ABCC9: variants seen among roughly 807,000 people sequenced by gnomAD.
ABCC9 encodes ATP-binding cassette sub-family C member 9.
In ABCC9, 95 loss-of-function variants were observed where a neutral mutation model predicts 188.3. The ratio of observed to expected loss-of-function variants is 0.50; its 90% CI spans 0.43 to 0.60. The LOEUF is 0.60. Among genes scored for constraint, ABCC9 ranks in the 20% least tolerant of loss-of-function variants. ABCC9 has a pLI of 0.00. For missense variants in ABCC9, 1,102 were observed against 1,876.3 expected, an observed-to-expected ratio of 0.59 and a Z score of 7.62; for synonymous variants, 659 against 652.7, an observed-to-expected ratio of 1.01 and a Z score of -0.15.
chr12:21,940,220 G>T (rs1181951036), intron 2 of ABCC9, among the ~76,000 whole-genome samples: 5 of 152,076 alleles, frequency 3.3e-5, no homozygotes, highest in African/African-American at 7.2e-5. Flanking sequence ...GGAAACACCT[G>T]GAGAAAACAT....
intron 18 of ABCC9, among the ~76,000 whole-genome samples, chr12:21,866,388 C>A (rs1240110695): frequency 1.3e-5 from 2 of 152,128 alleles, no homozygotes; most frequent in Admixed American, 6.6e-5. Flanking sequence ...TAAAAGAAAT[C>A]CTTTGCCAAC....
intron 16 of ABCC9, among the ~76,000 whole-genome samples, chr12:21,880,103 C>T: frequency 6.6e-6 from 1 of 150,630 alleles, no homozygotes; most frequent in East Asian, 2.0e-4. Context: ...TAAATCAGAC[C>T]TTACTGATTT....
chr12:21,864,006 C>A (rs1409745711), intron 19 of ABCC9, among the ~76,000 whole-genome samples: 4 of 151,952 alleles, frequency 2.6e-5, no homozygotes, highest in African/African-American at 9.7e-5. Flanking sequence ...GCTTTCCCCC[C>A]CACCCCACTC....
At chr12:21,930,664 T>C (rs1398065131) in intron 4 of ABCC9, among the ~76,000 whole-genome samples, 1 of 152,150 alleles carries the variant, frequency 6.6e-6, no homozygotes, top group Non-Finnish European at 1.5e-5. Flanking sequence ...CACAGAAATG[T>C]TTATAGCATT....
At chr12:21,840,914 C>T (rs1944347428) in intron 29 of ABCC9, among the ~76,000 whole-genome samples, 1 of 152,222 alleles carries the variant, frequency 6.6e-6, no homozygotes, top group South Asian at 2.1e-4. Flanking sequence ...CTTATCTCCT[C>T]CTACTTTCTT....
At chr12:21,872,066 C>G (rs1946111127) in intron 18 of ABCC9, among the ~76,000 whole-genome samples, 1 of 152,206 alleles carries the variant, frequency 6.6e-6, no homozygotes, top group Non-Finnish European at 1.5e-5. Flanking sequence ...AGCAATCATT[C>G]AAATGTCTGG....
At position 21,910,179 on chromosome 12, in the gene ABCC9, T is replaced by C; in HGVS notation, c.1298A>G (p.Asn433Ser). Residue 433 changes from asparagine (N) to serine (S), a missense_variant, in exon 10 of 40, where the codon AAT (asparagine) becomes AGT (serine). Asn to Ser is a conservative substitution (Grantham distance 46, BLOSUM62 1). This residue lies in a region of ABCC9 where 305 missense variants were observed against 573.0 expected (regional missense o/e 0.53). Coordinates refer to ENST00000261200, the MANE Select transcript of ABCC9 (RefSeq NM_020297.4). ...QLMWFLFLCP[N>S]LWAMPVQIIM... Reference sequence around the variant, plus strand: ...TACCTGAACAGGCATAGCCCATAGATTGGGACACAGGAACAAAAACCACAT... The same window carrying C: ...TACCTGAACAGGCATAGCCCATAGACTGGGACACAGGAACAAAAACCACAT... 6.2e-7 allele frequency: 1 copy of C among 1,611,442 alleles called. No homozygotes were observed. Among genetic ancestry groups the C allele is most frequent in the Non-Finnish European group, 8.5e-7 (1 of 1,178,092 alleles).
Position 21,803,776 on chromosome 12 carries a change from G to A in ABCC9, c.4512+2222C>T, listed in dbSNP as rs574137163. Among the ~76,000 whole-genome samples, 6 of 152,022 alleles carry A rather than the reference G, an allele frequency of 3.9e-5. No homozygotes were observed. The East Asian group carries it at 7.7e-4, about 20-fold the overall frequency. On this transcript the variant is annotated intron_variant, in intron 39 of 39. Coordinates refer to ENST00000261200, the MANE Select transcript of ABCC9 (RefSeq NM_020297.4). ...AAAGTGTGGTGTCAATTGTAATTGT[G>A]TTGATAAAATTTTCAAAATATTCCA...
chr12:21,845,553 A>C, intron 26 of ABCC9, 50 bp downstream of exon 26: 1 of 1,440,888 alleles, frequency 6.9e-7, no homozygotes, highest in Non-Finnish European at 9.7e-7. Context: ...TATCACTGTT[A>C]ATCTCAATAT....
chr12:21,918,254 T>C (rs528583314), intron 5 of ABCC9, among the ~76,000 whole-genome samples: 1 of 152,216 alleles, frequency 6.6e-6, no homozygotes, highest in African/African-American at 2.4e-5. Flanking sequence ...TTTAGAAAGA[T>C]ACATTAAAAA....
intron 31 of ABCC9, among the ~76,000 whole-genome samples, chr12:21,826,085 A>G (rs1010499201): frequency 6.6e-6 from 1 of 152,176 alleles, no homozygotes; most frequent in South Asian, 2.1e-4. Context: ...TTTATGTCCA[A>G]TGAAGTGACC....
intron 14 of ABCC9, 103 bp from the exon 15 acceptor site, chr12:21,888,037 G>C: frequency 1.2e-6 from 1 of 855,958 alleles, no homozygotes; most frequent in Non-Finnish European, 2.0e-6. Flanking sequence ...TGGTGAGTAG[G>C]ATGCCTGTGA....
At chr12:21,869,689 G>C (rs1191655302) in intron 18 of ABCC9, 2 of 152,084 alleles carry the variant, frequency 1.3e-5, no homozygotes, top group African/African-American at 4.8e-5. Flanking sequence ...ATATTGCCTT[G>C]TTTTATCATT....
chr12:21,878,766 T>C (rs200032536), intron 16 of ABCC9, among the ~76,000 whole-genome samples: 1 of 81,246 alleles, frequency 1.2e-5, no homozygotes, highest in South Asian at 3.2e-4. Flanking sequence ...TCTGATTTGG[T>C]GCTACATTGA....
At chr12:21,817,438 A>C in intron 32 of ABCC9, 131 bp from the exon 33 acceptor site, 1 of 800,726 alleles carries the variant, frequency 1.2e-6, no homozygotes, top group Non-Finnish European at 2.0e-6. Flanking sequence ...TAAGTGCTAC[A>C]GAATATTAGA....
intron 12 of ABCC9, among the ~76,000 whole-genome samples, chr12:21,903,477 A>T (rs1592194134): frequency 6.6e-6 from 1 of 152,330 alleles, no homozygotes; most frequent in South Asian, 2.1e-4. Context: ...CTAGGAAAAG[A>T]GGAAGTCAAA....
chr12:21,925,166 G>A (rs939106498), intron 5 of ABCC9: 3 of 206,352 alleles, frequency 1.5e-5, no homozygotes, highest in Non-Finnish European at 2.9e-5. Flanking sequence ...GCCCATCTGT[G>A]ATTCTTGTTC....
intron 16 of ABCC9, among the ~76,000 whole-genome samples, chr12:21,876,485 A>G (rs926415105): frequency 2.0e-5 from 3 of 152,232 alleles, no homozygotes; most frequent in African/African-American, 4.8e-5. Context: ...TATTCACTGA[A>G]GTTAAAAAAA....
At chr12:21,917,799 AT>A (rs1203644221) in intron 5 of ABCC9, among the ~76,000 whole-genome samples, 2 of 152,202 alleles carry the variant, frequency 1.3e-5, no homozygotes, top group African/African-American at 4.8e-5. Flanking sequence ...TCCTAGAAAT[AT>A]TTTGGCAAGG....
Sources: gnomAD v4.1 joint callset for allele counts (sites outside exome capture counted in the v4.1 genomes callset) on GRCh38, gnomAD v4.1.1 for gene constraint, gnomAD v4.1.1 regional missense constraint, MANE v1.5 for transcripts, NCBI Gene and HGNC (gene_info 2026-07-23, HGNC 2026-07-21) for gene names.